DCC: variants seen among roughly 807,000 people sequenced by gnomAD.
DCC encodes the protein DCC netrin 1 receptor, also known as netrin receptor DCC.
DCC carries 58 observed loss-of-function variants against 172.5 expected under a neutral mutation model. That is an observed-to-expected ratio of 0.34 (90% CI 0.27 to 0.42). DCC has a LOEUF of 0.42. Ranked by LOEUF, DCC falls within the 10% of genes least tolerant of loss-of-function variation. The probability of loss-of-function intolerance (pLI) is 1.00; values close to 1 mark genes in which losing one functional copy is unlikely to be tolerated. For missense variants in DCC, 1,740 were observed against 1,791.0 expected, an observed-to-expected ratio of 0.97 and a Z score of 0.51; for synonymous variants, 709 against 644.5, an observed-to-expected ratio of 1.10 and a Z score of -1.52.
chr18:53,514,114 G>C lies in DCC; in HGVS notation c.4112-12503G>C, dbSNP rs371805866. ...AGAGATTATAACAGTGCAGACCACA[G>C]TGCAATCAAACTAGAACTCAGGATT... On this transcript the variant is annotated intron_variant, in intron 27 of 28. Coordinates refer to ENST00000442544, the MANE Select transcript of DCC (RefSeq NM_005215.4). Among the ~76,000 whole-genome samples, 196 of 152,308 alleles carry C rather than the reference G, an allele frequency of 1.3e-3. 3 individuals carry two copies. The highest frequency in any genetic ancestry group is 6.8e-3 in the Middle Eastern group (2 of 294).
At chr18:53,396,842 G>A (rs902478562) in intron 17 of DCC, among the ~76,000 whole-genome samples, 2 of 152,068 alleles carry the variant, frequency 1.3e-5, no homozygotes, top group Non-Finnish European at 2.9e-5. Context: ...AATGAATTAA[G>A]TTCAATGCAG....
chr18:53,338,839 G>C (rs571359107), intron 14 of DCC, among the ~76,000 whole-genome samples: 15 of 152,264 alleles, frequency 9.9e-5, no homozygotes, highest in African/African-American at 2.9e-4. Context: ...GGGTAAGTTT[G>C]CATGAATTAT....
Position 52,745,361 on chromosome 18 carries a change from C to A in DCC, c.92-6693C>A, listed in dbSNP as rs980968214. ...ATCCAGGCCACCAGATGTTTTGGAG[C>A]AAAGTTCTAGAGTTTTAGTTAACGT... On this transcript the variant is annotated intron_variant, in intron 1 of 28. Transcript: ENST00000442544. Among the ~76,000 whole-genome samples the A allele has an allele frequency of 6.6e-5, 10 of 152,310 alleles. No individual in the cohort carries two copies. The East Asian group carries it at 1.7e-3, about 27-fold the overall frequency.
At chr18:52,609,040 T>G (rs1484799618) in intron 1 of DCC, among the ~76,000 whole-genome samples, 2 of 152,184 alleles carry the variant, frequency 1.3e-5, no homozygotes, top group Non-Finnish European at 2.9e-5. Context: ...CATGTTTCAG[T>G]AAAATGTGAA....
At chr18:52,459,902 C>T (rs1988578792) in intron 1 of DCC, among the ~76,000 whole-genome samples, 1 of 138,126 alleles carries the variant, frequency 7.2e-6, no homozygotes. Context: ...TATATATACA[C>T]ACATATATAT....
chr18:52,882,745 A>T (rs969077646), intron 2 of DCC, among the ~76,000 whole-genome samples: 5 of 152,136 alleles, frequency 3.3e-5, no homozygotes, highest in African/African-American at 1.2e-4. Context: ...TCATTGGATG[A>T]AATGTACTGT....
chr18:53,456,577 A>G (rs1372063810), intron 23 of DCC, among the ~76,000 whole-genome samples: 8 of 152,224 alleles, frequency 5.3e-5, no homozygotes, highest in Non-Finnish European at 1.5e-5. Context: ...TAAATTTTAG[A>G]CAGATTCACC....
intron 12 of DCC, among the ~76,000 whole-genome samples, chr18:53,238,604 G>C (rs1280580850): frequency 6.6e-6 from 1 of 151,874 alleles, no homozygotes; most frequent in Non-Finnish European, 1.5e-5. Flanking sequence ...ACATTTCAGG[G>C]GTCCCTTTAC....
chr18:53,272,606 T>A (rs546465910), intron 12 of DCC, among the ~76,000 whole-genome samples: 28 of 152,280 alleles, frequency 1.8e-4, no homozygotes, highest in African/African-American at 6.3e-4. Context: ...ATGGAAGTCA[T>A]TCATTCCTTC....
Position 52,923,753 on chromosome 18 carries a change from T to C in DCC, c.744T>C (p.Asn248=). The change falls in exon 4 of 29, where the codon AAT becomes AAC. Residue 248 remains asparagine, a synonymous_variant. Coordinates refer to ENST00000442544, the MANE Select transcript of DCC (RefSeq NM_005215.4). The part of the protein sequence containing the change: ...RQLYFLQRPS[N]VVAIEGKDAV... ...TGTATTTTCTGCAAAGACCATCCAA[T>C]GTAGTAGCCATTGAAGGAAAAGATG... The C allele has an allele frequency of 6.2e-7, 1 of 1,611,794 alleles. No homozygotes were observed. Among genetic ancestry groups the C allele is most frequent in the Non-Finnish European group, 8.5e-7 (1 of 1,178,104 alleles).
At chr18:53,263,369 C>G (rs926073549) in intron 12 of DCC, among the ~76,000 whole-genome samples, 24 of 152,110 alleles carry the variant, frequency 1.6e-4, no homozygotes, top group African/African-American at 5.8e-4. Context: ...CCAGGCTGGT[C>G]TCAAACTCCT....
intron 11 of DCC, among the ~76,000 whole-genome samples, chr18:53,211,229 C>T (rs554821412): frequency 1.3e-5 from 2 of 152,118 alleles, no homozygotes; most frequent in African/African-American, 4.8e-5. Context: ...AGTACTTTGC[C>T]TTTACCTTTC....
intron 1 of DCC, among the ~76,000 whole-genome samples, chr18:52,669,880 A>G (rs778543981): frequency 3.2e-4 from 49 of 152,158 alleles, no homozygotes; most frequent in Non-Finnish European, 5.9e-4. Flanking sequence ...CAAAAAACAC[A>G]AAGTGTGGTA....
chr18:52,346,684 T>C (rs1983893162), intron 1 of DCC, among the ~76,000 whole-genome samples: 1 of 152,150 alleles, frequency 6.6e-6, no homozygotes, highest in Non-Finnish European at 1.5e-5. Flanking sequence ...ACCATATTAT[T>C]CACAGCTTTC....
intron 12 of DCC, among the ~76,000 whole-genome samples, chr18:53,293,903 C>T (rs183476094): frequency 6.1e-4 from 93 of 152,230 alleles, no homozygotes; most frequent in African/African-American, 1.8e-3. Context: ...TATTAGTCTC[C>T]ACTGGGCTTC....
chr18:53,531,527 C>A lies in DCC; in HGVS notation c.*874C>A, dbSNP rs2046525189. ...TCAAAGCTTCACTAAGGCCATCTTCCTTAGGAGTTTGGCCAGAAGAATGCC... is the reference window on the plus strand; with the variant it reads ...TCAAAGCTTCACTAAGGCCATCTTCATTAGGAGTTTGGCCAGAAGAATGCC... On this transcript the variant is annotated 3_prime_UTR_variant, in exon 29 of 29. Transcript: ENST00000442544. 6.6e-6 allele frequency: 1 copy of A among 152,660 alleles called. No individual in the cohort carries two copies. Among genetic ancestry groups the A allele is most frequent in the African/African-American group, 2.4e-5 (1 of 41,440 alleles). The allele number at this position is 152,660 out of a possible 1,614,324, so 9.5% of individuals were successfully genotyped here. A position where few individuals can be genotyped will look rare whatever the true frequency, so the allele number is the denominator to read the frequency against.
At chr18:52,964,012 G>C (rs2040888507) in intron 5 of DCC, among the ~76,000 whole-genome samples, 1 of 152,086 alleles carries the variant, frequency 6.6e-6, no homozygotes, top group Non-Finnish European at 1.5e-5. Context: ...ACAATCACTA[G>C]ACTTTAATGG....
chr18:52,520,612 C>T (rs1431957385), intron 1 of DCC, among the ~76,000 whole-genome samples: 1 of 152,184 alleles, frequency 6.6e-6, no homozygotes, highest in Non-Finnish European at 1.5e-5. Flanking sequence ...GAGGGAATAG[C>T]TGCCTACTGC....
chr18:53,259,017 G>A (rs1773833353), intron 12 of DCC, among the ~76,000 whole-genome samples: 2 of 152,120 alleles, frequency 1.3e-5, no homozygotes, highest in Non-Finnish European at 1.5e-5. Flanking sequence ...TTTTATCAGA[G>A]ACTAGGATTG....
Sources: allele counts gnomAD v4.1 joint callset (sites outside exome capture counted in the v4.1 genomes callset), GRCh38; gene constraint gnomAD v4.1.1; transcripts MANE v1.5; gene names NCBI Gene and HGNC (gene_info 2026-07-23, HGNC 2026-07-21).